CNTNAP2: variants seen among roughly 807,000 people sequenced by gnomAD.
The protein encoded by CNTNAP2 is contactin-associated protein-like 2.
Under a neutral mutation model 155.2 loss-of-function variants are expected in CNTNAP2, and 98 were observed. The ratio of observed to expected loss-of-function variants is 0.63; its 90% CI spans 0.54 to 0.75. The LOEUF (loss-of-function observed/expected upper bound fraction) is 0.75, where lower values mean the gene tolerates loss of function less well. CNTNAP2 is among the 30% of genes least tolerant of loss of function. The probability of loss-of-function intolerance (pLI) is 0.00; values close to 1 mark genes in which losing one functional copy is unlikely to be tolerated. For synonymous variants in CNTNAP2, 651 were observed against 631.2 expected, an observed-to-expected ratio of 1.03 and a Z score of -0.47; for missense variants, 1,727 against 1,688.1, an observed-to-expected ratio of 1.02 and a Z score of -0.40.
chr7:146,994,999 C>A (rs1181825740), intron 3 of CNTNAP2, among the ~76,000 whole-genome samples: 1 of 151,956 alleles, frequency 6.6e-6, no homozygotes, highest in Admixed American at 6.6e-5. Context: ...CCCTCCAAAC[C>A]ACTCCAGCCT....
At chr7:147,152,452 G>A (rs563562376) in intron 8 of CNTNAP2, among the ~76,000 whole-genome samples, 2 of 152,094 alleles carry the variant, frequency 1.3e-5, no homozygotes, top group African/African-American at 4.8e-5. Context: ...GATAAAAATA[G>A]TATCTGAATT....
chr7:147,305,000 C>T (rs1243832096), intron 9 of CNTNAP2, among the ~76,000 whole-genome samples: 1 of 152,108 alleles, frequency 6.6e-6, no homozygotes, highest in Non-Finnish European at 1.5e-5. Context: ...AGAGCACACA[C>T]TCTTAAGTCT....
intron 11 of CNTNAP2, among the ~76,000 whole-genome samples, chr7:147,490,345 T>A (rs1798584558): frequency 6.6e-6 from 1 of 152,222 alleles, no homozygotes. Context: ...AAAATTTAAA[T>A]GTAAACGGTA....
At chr7:146,573,916 T>C (rs1319526942) in intron 1 of CNTNAP2, among the ~76,000 whole-genome samples, 7 of 152,224 alleles carry the variant, frequency 4.6e-5, no homozygotes, top group African/African-American at 1.4e-4. Flanking sequence ...ATGCATGTTA[T>C]ATTATCTGGC....
intron 13 of CNTNAP2, among the ~76,000 whole-genome samples, chr7:147,852,940 AG>A (rs1367780784): frequency 4.6e-5 from 7 of 152,138 alleles, no homozygotes; most frequent in Non-Finnish European, 8.8e-5. Flanking sequence ...CCTTTAATCC[AG>A]TGCTCAAGTA....
chr7:147,852,246 C>A (rs117982196), intron 13 of CNTNAP2, among the ~76,000 whole-genome samples: 1,670 of 152,266 alleles, frequency 0.011, 92 homozygotes, highest in Admixed American at 0.09. Context: ...TTAGTTATAG[C>A]CCCACAACCT....
intron 16 of CNTNAP2, among the ~76,000 whole-genome samples, chr7:148,136,731 G>C (rs1804958950): frequency 6.6e-6 from 1 of 151,918 alleles, no homozygotes; most frequent in Non-Finnish European, 1.5e-5. Context: ...AACCCCACCT[G>C]CAACTGTTCT....
chr7:146,815,514 G>A (rs919871760), intron 2 of CNTNAP2, among the ~76,000 whole-genome samples: 1 of 151,866 alleles, frequency 6.6e-6, no homozygotes, highest in Admixed American at 6.6e-5. Flanking sequence ...ATATATACAT[G>A]AATACATGTG....
chr7:148,009,694 C>T (rs1181085382), intron 15 of CNTNAP2, among the ~76,000 whole-genome samples: 1 of 152,026 alleles, frequency 6.6e-6, no homozygotes, highest in Non-Finnish European at 1.5e-5. Flanking sequence ...TAAATGCCAT[C>T]ATATAATATT....
intron 13 of CNTNAP2, chr7:147,643,346 C>T (rs1795316616): frequency 6.6e-6 from 1 of 152,126 alleles, no homozygotes; most frequent in African/African-American, 2.4e-5. Flanking sequence ...TCAGCTTACC[C>T]TTCTGAGTCA....
intron 6 of CNTNAP2, 82 bp downstream of exon 6, chr7:147,121,245 T>C (rs1801105942): frequency 1.5e-6 from 2 of 1,327,548 alleles, no homozygotes; most frequent in Admixed American, 3.9e-5. Flanking sequence ...TTGTTAATTA[T>C]ATTACTACTT....
intron 4 of CNTNAP2, among the ~76,000 whole-genome samples, chr7:147,094,567 ATT>A (rs769148177): frequency 2.1e-5 from 3 of 145,722 alleles, no homozygotes; most frequent in Non-Finnish European, 3.0e-5. Context: ...ACGCCTGGCT[ATT>A]TTTTTTTTTT....
At chr7:147,534,225 G>A (rs550445503) in intron 11 of CNTNAP2, among the ~76,000 whole-genome samples, 13 of 152,212 alleles carry the variant, frequency 8.5e-5, no homozygotes, top group South Asian at 4.1e-4. Context: ...GGCCAGTAAC[G>A]CTGGTGAACA....
At chr7:146,962,040 C>G (rs764987231) in intron 3 of CNTNAP2, among the ~76,000 whole-genome samples, 6 of 152,086 alleles carry the variant, frequency 3.9e-5, no homozygotes, top group Non-Finnish European at 8.8e-5. Context: ...ACTTTTGTGA[C>G]CTGTTTAGAT....
chr7:146,229,116 G>T (rs1207166972), intron 1 of CNTNAP2, among the ~76,000 whole-genome samples: 1 of 152,086 alleles, frequency 6.6e-6, no homozygotes, highest in African/African-American at 2.4e-5. Context: ...ACAAAAAAGA[G>T]TAGCAAATTG....
At chr7:147,148,850 G>A (rs148904092) in intron 8 of CNTNAP2, among the ~76,000 whole-genome samples, 1 of 152,300 alleles carries the variant, frequency 6.6e-6, no homozygotes, top group African/African-American at 2.4e-5. Flanking sequence ...GGTGCATCCA[G>A]AGTTGTTTGT....
At chr7:148,100,884 T>C (rs1256015992) in intron 15 of CNTNAP2, among the ~76,000 whole-genome samples, 1 of 152,138 alleles carries the variant, frequency 6.6e-6, no homozygotes, top group Non-Finnish European at 1.5e-5. Flanking sequence ...CCAACCTAAA[T>C]GTCCAACAAT....
intron 9 of CNTNAP2, among the ~76,000 whole-genome samples, chr7:147,362,475 A>G (rs976903793): frequency 3.9e-5 from 6 of 152,164 alleles, no homozygotes; most frequent in South Asian, 2.1e-4. Flanking sequence ...TAGACATCAC[A>G]TAATGTCACT....
chr7:146,511,191 C>T (rs1368776509), intron 1 of CNTNAP2, among the ~76,000 whole-genome samples: 1 of 152,194 alleles, frequency 6.6e-6, no homozygotes, highest in African/African-American at 2.4e-5. Flanking sequence ...TGCCACTGCA[C>T]CCAGCCAGGT....
Sources: allele counts gnomAD v4.1 joint callset (sites outside exome capture counted in the v4.1 genomes callset), GRCh38; gene constraint gnomAD v4.1.1; transcripts MANE v1.5; gene names NCBI Gene and HGNC (gene_info 2026-07-23, HGNC 2026-07-21).